IQSEC2: variants seen among roughly 807,000 people sequenced by gnomAD.
IQSEC2 encodes the protein IQ motif and SEC7 domain-containing protein 2.
A neutral mutation model predicts 74.6 loss-of-function variants in IQSEC2; 6 were observed. That is an observed-to-expected ratio of 0.08 (90% CI 0.04 to 0.16). IQSEC2 has a LOEUF of 0.16. Among genes scored for constraint, IQSEC2 ranks in the 10% least tolerant of loss-of-function variants. IQSEC2 has a pLI of 1.00. For synonymous variants in IQSEC2, 494 were observed against 544.5 expected (o/e 0.91, Z 1.29); for missense variants, 734 against 1,306.2 (o/e 0.56, Z 6.75).
At chrX:53,279,578 C>T in intron 2 of IQSEC2, 1 of 1,191,229 alleles carries the variant, frequency 8.4e-7, no homozygotes, top group Non-Finnish European at 1.1e-6. Context: ...TCTCTGCCAG[C>T]CTGCCTGAGG....
Position 53,235,029 on chromosome X carries a change from C to T in IQSEC2, c.3657G>A (p.Gln1219=). ...FGSKRGKGPF[Q]MPPPPTGQAS... ...CCTGGCCTGTTGGCGGTGGTGGCATCTGGAAGGGCCCCTTGCCCCGCTTGC... is the reference window on the plus strand; with the variant it reads ...CCTGGCCTGTTGGCGGTGGTGGCATTTGGAAGGGCCCCTTGCCCCGCTTGC... The change falls in exon 15 of 15, where the codon CAG becomes CAA. Residue 1219 remains glutamine (Q), a synonymous_variant. Transcript: ENST00000642864. 1.7e-6 allele frequency: 2 copies of T among 1,162,644 alleles called. No individual in the cohort carries two copies. The highest frequency in any genetic ancestry group is 2.3e-6 in the Non-Finnish European group (2 of 871,536).
chrX:53,317,619 C>T (rs781809843), intron 1 of IQSEC2, among the ~76,000 whole-genome samples: 8 of 112,093 alleles, frequency 7.1e-5, no homozygotes, highest in Non-Finnish European at 1.3e-4. Context: ...CCCCAACAAG[C>T]TGCAGCTCGG....
chrX:53,264,839 C>A (rs917494614), intron 2 of IQSEC2, among the ~76,000 whole-genome samples: 1 of 109,618 alleles, frequency 9.1e-6, no homozygotes, highest in East Asian at 2.9e-4. Flanking sequence ...CCCTTTGCAT[C>A]CTTCCTACTT....
intron 4 of IQSEC2, 87 bp from the exon 5 acceptor site, chrX:53,251,261 G>T: frequency 2.0e-6 from 2 of 1,001,085 alleles, no homozygotes; most frequent in Non-Finnish European, 2.8e-6. Context: ...GAATGAGGGA[G>T]GGAGGTAAGG....
chrX:53,241,931 G>T, intron 9 of IQSEC2, 22 bp from the exon 10 acceptor site: 1 of 1,203,880 alleles, frequency 8.3e-7, no homozygotes, highest in East Asian at 3.0e-5. Flanking sequence ...TGAAGAAACA[G>T]GTGTCAGCAA....
chrX:53,274,095 A>G (rs2074784592), intron 2 of IQSEC2, among the ~76,000 whole-genome samples: 1 of 112,440 alleles, frequency 8.9e-6, no homozygotes, highest in Non-Finnish European at 1.9e-5. Context: ...AGCATATATC[A>G]TGCACCTTTT....
chrX:53,227,849 G>T, downstream of IQSEC2: 1 of 160,984 alleles, frequency 6.2e-6, no homozygotes, highest in East Asian at 1.3e-4. Context: ...AGGTCCTTTA[G>T]CCCAGACACA....
chrX:53,257,310 A>G (rs1440261025), intron 2 of IQSEC2, among the ~76,000 whole-genome samples: 2 of 112,861 alleles, frequency 1.8e-5, no homozygotes, highest in African/African-American at 3.2e-5. Flanking sequence ...GCCTTGCAGC[A>G]GAGCGCTTTG....
chrX:53,279,417 C>G (rs1218439223), intron 2 of IQSEC2: 6 of 432,379 alleles, frequency 1.4e-5, no homozygotes, highest in Non-Finnish European at 4.0e-6. Flanking sequence ...GTCTGCTGAC[C>G]TGATCTTCCA....
At chrX:53,303,974 CA>C (rs782601199) in intron 1 of IQSEC2, among the ~76,000 whole-genome samples, 2 of 109,148 alleles carry the variant, frequency 1.8e-5, no homozygotes, top group African/African-American at 6.7e-5. Context: ...ACTAAAAATA[CA>C]AAAAAATTAG....
chrX:53,267,042 T>A, intron 2 of IQSEC2: 2 of 1,114,596 alleles, frequency 1.8e-6, no homozygotes, highest in East Asian at 6.9e-5. Flanking sequence ...TCTTCCTCAG[T>A]CTCCTCCTCC....
At chrX:53,256,460 C>A (rs781932900) in intron 2 of IQSEC2, among the ~76,000 whole-genome samples, 1 of 110,865 alleles carries the variant, frequency 9.0e-6, no homozygotes, top group South Asian at 3.8e-4. Flanking sequence ...ACAGCTCCAT[C>A]CCCTCCTGGC....
In IQSEC2 at chrX:53,250,527, C is replaced by T. The variant is rs1455172491; in HGVS notation, c.2049G>A (p.Lys683=). 1.7e-6 allele frequency: 2 copies of T among 1,210,449 alleles called. No individual in the cohort carries two copies. The highest frequency in any genetic ancestry group is 2.2e-6 in the Non-Finnish European group (2 of 895,329). ...CAGAGTTCTCGCCTGCTGCCTCGCA[C>T]TTCCCCAACCTCCGACCCCCAGCCA... ...SGVAGGRRLG[K]CEAAGENSDG... is the part of the protein sequence containing the mutation. The change falls in exon 5 of 15, where the codon AAG becomes AAA. Residue 683 remains lysine, a synonymous_variant. Coordinates refer to ENST00000642864, the MANE Select transcript of IQSEC2 (RefSeq NM_001111125.3).
chrX:53,226,355 T>C (rs1244003615), downstream of IQSEC2: 1 of 112,628 alleles, frequency 8.9e-6, no homozygotes, highest in African/African-American at 3.2e-5. Flanking sequence ...GTGCAAATAT[T>C]TGAGTACTTG....
chrX:53,251,182 A>AG lies in IQSEC2; in HGVS notation c.1402-9dup, dbSNP rs781861463. Reference sequence around the variant, plus strand: ...TTCAGCCAGAGACTTTACCTGTGCAAGGGGGGGAGGAGAGGAGGGAAAGGG... The same window carrying AG: ...TTCAGCCAGAGACTTTACCTGTGCAAGGGGGGGGAGGAGAGGAGGGAAAGGG... On this transcript the variant is annotated splice_polypyrimidine_tract_variant and intron_variant, in intron 4 of 14. Coordinates refer to ENST00000642864, the MANE Select transcript of IQSEC2 (RefSeq NM_001111125.3). The AG allele has an allele frequency of 8.7e-5, 105 of 1,203,351 alleles. No homozygotes were observed. The highest frequency in any genetic ancestry group is 2.4e-4 in the Admixed American group (11 of 45,691).
At chrX:53,265,234 G>C (rs2074636626) in intron 2 of IQSEC2, among the ~76,000 whole-genome samples, 1 of 110,860 alleles carries the variant, frequency 9.0e-6, no homozygotes, top group South Asian at 3.8e-4. Flanking sequence ...TAGATGAGTT[G>C]AGCGAGTGAG....
At chrX:53,289,453 G>A (rs1556872550) in intron 2 of IQSEC2, among the ~76,000 whole-genome samples, 2 of 110,696 alleles carry the variant, frequency 1.8e-5, no homozygotes, top group Non-Finnish European at 3.8e-5. Context: ...ATGGCTCCCT[G>A]TCTCTAAACC....
intron 1 of IQSEC2, among the ~76,000 whole-genome samples, chrX:53,309,339 TTAC>T (rs1338701760): frequency 8.9e-6 from 1 of 112,127 alleles, no homozygotes; most frequent in African/African-American, 3.2e-5. Flanking sequence ...CGTCAGTTTT[TTAC>T]TACATGAGTC....
intron 1 of IQSEC2, among the ~76,000 whole-genome samples, chrX:53,312,238 A>G (rs2075329383): frequency 9.0e-6 from 1 of 110,736 alleles, no homozygotes; most frequent in South Asian, 3.8e-4. Flanking sequence ...CTCATCCTCC[A>G]AGCCTCAGCT....
Sources: gnomAD v4.1 joint callset for allele counts (sites outside exome capture counted in the v4.1 genomes callset) on GRCh38, gnomAD v4.1.1 for gene constraint, MANE v1.5 for transcripts, NCBI Gene and HGNC (gene_info 2026-07-23, HGNC 2026-07-21) for gene names.